CECR2: variants seen among roughly 807,000 people sequenced by gnomAD.
CECR2 encodes the protein chromatin remodeling regulator CECR2.
In CECR2, 30 loss-of-function variants were observed where a neutral mutation model predicts 154.5. That is an observed-to-expected ratio of 0.19 (90% CI 0.15 to 0.26). The LOEUF (loss-of-function observed/expected upper bound fraction) is 0.26, where lower values mean the gene tolerates loss of function less well. CECR2 is among the 10% of genes least tolerant of loss of function. CECR2 has a pLI of 1.00. For missense variants in CECR2, 1,743 were observed against 1,829.3 expected (o/e 0.95, Z 0.86); for synonymous variants, 725 against 683.7 (o/e 1.06, Z -0.94).
chr22:17,514,302 A>C (rs933427472), intron 8 of CECR2, among the ~76,000 whole-genome samples: 3 of 152,174 alleles, frequency 2.0e-5, no homozygotes, highest in African/African-American at 7.2e-5. Flanking sequence ...AACGGGAGCA[A>C]GGGTGCCAGC....
rs375149434 is a variant in CECR2 at position 17,542,223 on chromosome 22, G to A, written c.2080G>A (p.Gly694Arg). ...CACACCAGAGGAGAAGCAAATGTGC[G>A]GGGGGCTGACACACCTTTCTAACAT... The part of the protein sequence containing the change: ...LGTPEEKQMC[G>R]GLTHLSNMGP... The change falls in exon 16 of 19, where the codon GGG (glycine) becomes AGG (arginine). Residue 694 changes from glycine (G) to arginine (R), a missense_variant. Gly to Arg is a moderately radical substitution (Grantham distance 125). Transcript: ENST00000262608. 4.5e-5 allele frequency: 72 copies of A among 1,611,684 alleles called. No homozygotes were observed. Among genetic ancestry groups the A allele is most frequent in the Non-Finnish European group, 2.0e-5 (23 of 1,178,904 alleles).
intron 1 of CECR2, among the ~76,000 whole-genome samples, chr22:17,396,532 C>T (rs1481056814): frequency 6.6e-6 from 1 of 151,942 alleles, no homozygotes; most frequent in Admixed American, 6.5e-5. Context: ...GGCGACAGAG[C>T]GAGACTCTTG....
At chr22:17,488,822 G>C (rs954834116) in intron 2 of CECR2, among the ~76,000 whole-genome samples, 1 of 152,130 alleles carries the variant, frequency 6.6e-6, no homozygotes, top group East Asian at 1.9e-4. Flanking sequence ...GGGAATTGCT[G>C]GCGGGTCACA....
chr22:17,442,672 C>A (rs777257947), intron 1 of CECR2, among the ~76,000 whole-genome samples: 2 of 152,144 alleles, frequency 1.3e-5, no homozygotes, highest in Non-Finnish European at 2.9e-5. Context: ...CTCAGCCTCC[C>A]GAGTAGCTGG....
intron 1 of CECR2, among the ~76,000 whole-genome samples, chr22:17,361,503 C>T (rs372632540): frequency 1.4e-3 from 218 of 151,288 alleles, no homozygotes; most frequent in Middle Eastern, 3.4e-3. Context: ...ACAACACCCC[C>T]CACCCAAAAA....
intron 1 of CECR2, among the ~76,000 whole-genome samples, chr22:17,467,571 C>G (rs963214510): frequency 6.6e-6 from 1 of 152,086 alleles, no homozygotes; most frequent in Non-Finnish European, 1.5e-5. Flanking sequence ...ATCACAAGGT[C>G]AGGAGTTCAA....
chr22:17,441,771 A>G (rs1454846684), intron 1 of CECR2, among the ~76,000 whole-genome samples: 1 of 152,262 alleles, frequency 6.6e-6, no homozygotes, highest in African/African-American at 2.4e-5. Flanking sequence ...AGATTAAGAA[A>G]GATGATAAAT....
chr22:17,397,837 A>G (rs2053835914), intron 1 of CECR2, among the ~76,000 whole-genome samples: 1 of 152,146 alleles, frequency 6.6e-6, no homozygotes, highest in African/African-American at 2.4e-5. Flanking sequence ...ATAAATGGAA[A>G]CTTTTAGTAA....
chr22:17,467,835 C>T (rs1456042942), intron 1 of CECR2, among the ~76,000 whole-genome samples: 1 of 152,112 alleles, frequency 6.6e-6, no homozygotes, highest in Non-Finnish European at 1.5e-5. Context: ...TCCAAGGGAG[C>T]TGGCTTCTGC....
At chr22:17,508,358 C>T (rs1250551623) in intron 7 of CECR2, among the ~76,000 whole-genome samples, 1 of 152,008 alleles carries the variant, frequency 6.6e-6, no homozygotes, top group African/African-American at 2.4e-5. Flanking sequence ...AAGCTCCATT[C>T]ATGATAAGTG....
At position 17,542,595 on chromosome 22, in the gene CECR2, G is replaced by T. The variant is rs548687461; in HGVS notation, c.2452G>T (p.Val818Phe). ...VMDSRVMRPP[V>F]PPNQWTEQSG... ...GGATTCCCGAGTCATGAGACCACCT[G>T]TCCCCCCCAACCAGTGGACTGAACA... Residue 818 changes from valine to phenylalanine, a missense_variant, in exon 16 of 19, where the codon GTC becomes TTC. Physicochemically the swap from Val to Phe is conservative, Grantham distance 50 (BLOSUM62 -1). Transcript: ENST00000262608. 6.2e-7 allele frequency: 1 copy of T among 1,613,918 alleles called. No homozygotes were observed. Among genetic ancestry groups the T allele is most frequent in the African/African-American group, 1.3e-5 (1 of 75,012 alleles).
intron 1 of CECR2, among the ~76,000 whole-genome samples, chr22:17,378,037 G>A (rs899690823): frequency 4.6e-5 from 7 of 151,680 alleles, no homozygotes; most frequent in African/African-American, 1.2e-4. Context: ...AGGCTGGAGT[G>A]CAGTGGCGCT....
intron 2 of CECR2, among the ~76,000 whole-genome samples, chr22:17,488,162 C>A (rs1317315251): frequency 6.6e-6 from 1 of 152,134 alleles, no homozygotes; most frequent in African/African-American, 2.4e-5. Flanking sequence ...GGATTACAGG[C>A]GTGAGCCACC....
chr22:17,361,055 T>C (rs769913143), intron 1 of CECR2, among the ~76,000 whole-genome samples: 1 of 151,090 alleles, frequency 6.6e-6, no homozygotes, highest in Non-Finnish European at 1.5e-5. Context: ...CCCAGCTACT[T>C]GGCAGGCTGA....
rs146310458 is a variant in CECR2, at chr22:17,372,038, C to T, written c.126+2129C>T. On this transcript the variant is annotated intron_variant, in intron 1 of 18. Coordinates refer to ENST00000262608, the MANE Select transcript of CECR2 (RefSeq NM_001290047.2). ...TAGTTTACATGGTGAATAATCAAGG[C>T]TATTTGATATGACTGTCCTCTCTTT... Among the ~76,000 whole-genome samples the T allele has an allele frequency of 2.0e-3, 298 of 152,240 alleles. No individual in the cohort carries two copies. The Middle Eastern group carries it at 0.02, about 10-fold the overall frequency.
chr22:17,429,893 T>G (rs1439617092), intron 1 of CECR2, among the ~76,000 whole-genome samples: 1 of 152,184 alleles, frequency 6.6e-6, no homozygotes, highest in Non-Finnish European at 1.5e-5. Context: ...AAGCCACCAT[T>G]AGTGCAGTCT....
chr22:17,548,532 C>G lies in CECR2; in HGVS notation c.3245C>G (p.Pro1082Arg). 2 of 1,613,678 alleles carry G rather than the reference C, an allele frequency of 1.2e-6. No homozygotes were observed. The highest frequency in any genetic ancestry group is 1.1e-5 in the South Asian group (1 of 91,030). Residue 1082 changes from proline to arginine, a missense_variant, in exon 17 of 19, where the codon CCC becomes CGC. This residue lies in a region of CECR2 where 1,250 missense variants were observed against 1,192.1 expected (regional missense o/e 1.05). Coordinates refer to ENST00000262608, the MANE Select transcript of CECR2 (RefSeq NM_001290047.2). ...AGTGGTTCCGAAAAGCTGCTCTGCC[C>G]CAGAGGCAGAACGTTGCAGGAAACC... Reference protein sequence around the residue: ...GSSGSEKLLCPRGRTLQETMP... With the variant: ...GSSGSEKLLCRRGRTLQETMP...
At chr22:17,447,033 C>CTGGTTTTTTTT (rs1339121774) in intron 1 of CECR2, among the ~76,000 whole-genome samples, 9 of 114,102 alleles carry the variant, frequency 7.9e-5, no homozygotes, top group African/African-American at 3.0e-4. Context: ...CGTTTACAAT[C>CTGGTTTTTTTT]TTTTTTTTTT....
chr22:17,365,014 C>T (rs2062994361), upstream of CECR2, among the ~76,000 whole-genome samples: 1 of 152,040 alleles, frequency 6.6e-6, no homozygotes, highest in Non-Finnish European at 1.5e-5. Context: ...CACCTGAGGT[C>T]GGGAGTTTGA....
Sources: allele counts gnomAD v4.1 joint callset (sites outside exome capture counted in the v4.1 genomes callset), GRCh38; gene constraint gnomAD v4.1.1; regional missense constraint gnomAD v4.1.1; transcripts MANE v1.5; gene names NCBI Gene and HGNC (gene_info 2026-07-23, HGNC 2026-07-21).